The following IQSEC3 variants were observed in gnomAD, a reference collection of about 807,000 sequenced individuals.
IQSEC3 encodes IQ motif and Sec7 domain ArfGEF 3.
Under a neutral mutation model 105.4 loss-of-function variants are expected in IQSEC3, and 50 were observed. The observed-to-expected ratio is 0.47, with a 90% confidence interval of 0.38 to 0.60. The LOEUF is 0.60. Among genes scored for constraint, IQSEC3 ranks in the 20% least tolerant of loss-of-function variants. The pLI is 0.00. For missense variants in IQSEC3, 1,415 were observed against 1,630.0 expected, an observed-to-expected ratio of 0.87 and a Z score of 2.27; for synonymous variants, 708 against 746.0, an observed-to-expected ratio of 0.95 and a Z score of 0.83.
Position 125,822 on chromosome 12 carries a change from C to A in IQSEC3, c.813C>A (p.Gly271=). The change falls in exon 3 of 14, where the codon GGC becomes GGA. Residue 271 remains glycine (G), a synonymous_variant. Transcript: ENST00000538872. ...GCCCCCAGCACAAGGCCTCCCCCGG[C>A]CGGCAGCAGCCTGCCCTGGCGACGG... ...RAGPQHKASP[G]RQQPALATAL... is the part of the protein sequence containing the mutation. 6.5e-7 allele frequency: 1 copy of A among 1,529,194 alleles called. No homozygotes were observed. Among genetic ancestry groups the A allele is most frequent in the Non-Finnish European group, 8.7e-7 (1 of 1,144,410 alleles). 94.7% of individuals were successfully genotyped at this position (1,529,194 alleles called of 1,614,324 possible).
At chr12:141,765 A>G (rs1866038759) in intron 5 of IQSEC3, 1 of 157,656 alleles carries the variant, frequency 6.3e-6, no homozygotes, top group African/African-American at 2.4e-5. Context: ...AGAGCAAGAA[A>G]ATACTACAAT....
At chr12:105,188 G>C (rs1000929415) in intron 2 of IQSEC3, among the ~76,000 whole-genome samples, 8 of 152,374 alleles carry the variant, frequency 5.3e-5, no homozygotes, top group African/African-American at 9.6e-5. Context: ...AAGCGATGGC[G>C]GCAGGGGAGG....
chr12:131,614 T>G (rs1334808877), intron 3 of IQSEC3, among the ~76,000 whole-genome samples: 3 of 152,192 alleles, frequency 2.0e-5, no homozygotes, highest in Non-Finnish European at 2.9e-5. Flanking sequence ...CTGCAAACAC[T>G]TATTCAGCCT....
intron 1 of IQSEC3, among the ~76,000 whole-genome samples, chr12:72,200 C>G (rs2760696): frequency 1.3e-4 from 20 of 148,998 alleles, no homozygotes; most frequent in African/African-American, 3.3e-4. Flanking sequence ...GGCCCAAAAC[C>G]AAGCAAAGGA....
intron 2 of IQSEC3, among the ~76,000 whole-genome samples, chr12:107,402 C>CTTTTTTTTTTT (rs58053657): frequency 2.6e-5 from 2 of 75,984 alleles, no homozygotes; most frequent in Non-Finnish European, 4.7e-5. Context: ...AGTCTGTTTT[C>CTTTTTTTTTTT]TTTTTTTTTT....
In IQSEC3 at chr12:155,290, G is replaced by C. The variant is rs75588795; in HGVS notation, c.2154-1735G>C. 6.2e-3 allele frequency among the ~76,000 whole-genome samples: 948 copies of C among 152,288 alleles called. 9 individuals are homozygous for C. The highest frequency in any genetic ancestry group is 0.02 in the Middle Eastern group (6 of 294). On this transcript the variant is annotated intron_variant, in intron 5 of 13. Transcript: ENST00000538872. ...CTGGTGCTGCCGATTCTCATGCTTG[G>C]GCAAGATGCTGGCCTCCACCCCAGC...
intron 11 of IQSEC3, among the ~76,000 whole-genome samples, chr12:168,363 T>C (rs907788753): frequency 6.6e-5 from 10 of 152,042 alleles, no homozygotes; most frequent in Non-Finnish European, 1.0e-4. Flanking sequence ...TTTGAACACC[T>C]TGCGGAGGCT....
At chr12:90,368 G>A (rs1555073063) in intron 1 of IQSEC3, among the ~76,000 whole-genome samples, 1 of 152,038 alleles carries the variant, frequency 6.6e-6, no homozygotes. Context: ...TTGTTTCGTG[G>A]CTTGTGCTTT....
At chr12:68,506 T>G (rs1863185943) in intron 1 of IQSEC3, among the ~76,000 whole-genome samples, 1 of 152,200 alleles carries the variant, frequency 6.6e-6, no homozygotes, top group Admixed American at 6.5e-5. Context: ...GAAGAAGATA[T>G]GAAAGTGTCT....
intron 2 of IQSEC3, among the ~76,000 whole-genome samples, chr12:111,267 G>A (rs782335256): frequency 6.6e-6 from 1 of 152,212 alleles, no homozygotes; most frequent in African/African-American, 2.4e-5. Flanking sequence ...ATCCTCATCT[G>A]AGCCAAACTC....
intron 5 of IQSEC3, among the ~76,000 whole-genome samples, chr12:153,941 G>C (rs1273468963): frequency 6.6e-6 from 1 of 152,134 alleles, no homozygotes; most frequent in Non-Finnish European, 1.5e-5. Flanking sequence ...ATTCTAATTT[G>C]CTGGGTCTGG....
intron 2 of IQSEC3, among the ~76,000 whole-genome samples, chr12:125,029 C>G (rs1454307283): frequency 6.6e-6 from 1 of 152,152 alleles, no homozygotes; most frequent in African/African-American, 2.4e-5. Flanking sequence ...AGGCTTATGC[C>G]CAAGCCAGGC....
Position 174,875 on chromosome 12 carries a change from T to C in IQSEC3, c.3391T>C (p.Ser1131Pro), listed in dbSNP as rs566380878. The change falls in exon 14 of 14, where the codon TCC (serine) becomes CCC (proline). Residue 1131 changes from serine to proline, a missense_variant. Transcript: ENST00000538872. ...CTCGTCGTCCTCTGACTCCTGCGGC[T>C]CCACACCCCTGGGCGGTCCCGGCTC... is the stretch of plus-strand genomic sequence containing the variant. The part of the protein sequence containing the change: ...YTSSSSDSCG[S>P]TPLGGPGSPV... 7.6e-6 allele frequency: 12 copies of C among 1,576,580 alleles called. No individual in the cohort carries two copies. The African/African-American group carries it at 1.5e-4, about 19-fold the overall frequency.
intron 2 of IQSEC3, among the ~76,000 whole-genome samples, chr12:116,477 G>C (rs147296226): frequency 6.6e-6 from 1 of 152,170 alleles, no homozygotes; most frequent in Non-Finnish European, 1.5e-5. Flanking sequence ...ATGGTCACCC[G>C]TGGTCCCTTT....
At chr12:100,949 GTCT>G (rs1864404194) in intron 2 of IQSEC3, among the ~76,000 whole-genome samples, 1 of 152,178 alleles carries the variant, frequency 6.6e-6, no homozygotes, top group South Asian at 2.1e-4. Context: ...CAGGGCCCGA[GTCT>G]TCTTCCTAGA....
chr12:100,662 G>T (rs1864395472), intron 2 of IQSEC3, among the ~76,000 whole-genome samples: 1 of 152,182 alleles, frequency 6.6e-6, no homozygotes, highest in Non-Finnish European at 1.5e-5. Flanking sequence ...GATGTTTTCG[G>T]TGTCCTCTGT....
chr12:148,241 C>G (rs1866361223), intron 5 of IQSEC3: 1 of 152,208 alleles, frequency 6.6e-6, no homozygotes, highest in Non-Finnish European at 1.5e-5. Context: ...TCAGCTTCAC[C>G]TGGAAGCTTG....
intron 12 of IQSEC3, among the ~76,000 whole-genome samples, chr12:169,661 A>G (rs1262839764): frequency 1.3e-5 from 2 of 151,758 alleles, no homozygotes; most frequent in Admixed American, 6.6e-5. Context: ...GGAATTGCTC[A>G]CTCCAGCCGA....
intron 1 of IQSEC3, among the ~76,000 whole-genome samples, chr12:77,876 G>T (rs1466894016): frequency 1.3e-5 from 2 of 150,908 alleles, no homozygotes; most frequent in Admixed American, 6.6e-5. Context: ...GGGAGGGAAC[G>T]TGGAGTCGGG....
Sources: allele counts gnomAD v4.1 joint callset (sites outside exome capture counted in the v4.1 genomes callset), GRCh38; gene constraint gnomAD v4.1.1; transcripts MANE v1.5; gene names NCBI Gene and HGNC (gene_info 2026-07-23, HGNC 2026-07-21).